Variants in NPAS3 observed in about 807,000 individuals in gnomAD.
The protein encoded by NPAS3 is neuronal PAS domain protein 3.
In NPAS3, 14 loss-of-function variants were observed where a neutral mutation model predicts 73.1. The ratio of observed to expected loss-of-function variants is 0.19; its 90% CI spans 0.13 to 0.30. The LOEUF (loss-of-function observed/expected upper bound fraction) is 0.30. Ranked by LOEUF, NPAS3 falls within the 10% of genes least tolerant of loss-of-function variation. The pLI is 1.00. For missense variants in NPAS3, 1,096 were observed against 1,250.0 expected, an observed-to-expected ratio of 0.88 and a Z score of 1.86; for synonymous variants, 620 against 541.5, an observed-to-expected ratio of 1.14 and a Z score of -2.01.
intron 3 of NPAS3, among the ~76,000 whole-genome samples, chr14:33,234,255 T>G (rs1186847908): frequency 6.6e-6 from 1 of 152,154 alleles, no homozygotes; most frequent in Non-Finnish European, 1.5e-5. Context: ...AATCAAAAGT[T>G]ATAAACATTT....
At chr14:33,565,205 A>G (rs1595166669) in intron 5 of NPAS3, among the ~76,000 whole-genome samples, 1 of 152,286 alleles carries the variant, frequency 6.6e-6, no homozygotes, top group South Asian at 2.1e-4. Context: ...ATGCAGATAT[A>G]TTTGCCATAA....
At chr14:33,157,064 G>C (rs1434652060) in intron 2 of NPAS3, among the ~76,000 whole-genome samples, 2 of 152,090 alleles carry the variant, frequency 1.3e-5, no homozygotes, top group Admixed American at 1.3e-4. Flanking sequence ...TTAGAAAGGG[G>C]AAAAAGAATA....
chr14:33,718,132 G>A (rs749980904), intron 6 of NPAS3, among the ~76,000 whole-genome samples: 1 of 152,080 alleles, frequency 6.6e-6, no homozygotes, highest in Non-Finnish European at 1.5e-5. Context: ...CTCAAGCTAC[G>A]ATGTGGTTAT....
intron 5 of NPAS3, among the ~76,000 whole-genome samples, chr14:33,641,786 C>A (rs2058682260): frequency 6.6e-6 from 1 of 151,866 alleles, no homozygotes; most frequent in Non-Finnish European, 1.5e-5. Flanking sequence ...AGGTTTGATG[C>A]CTATATTTCT....
chr14:33,059,063 C>G (rs977431665), intron 2 of NPAS3, among the ~76,000 whole-genome samples: 1 of 152,180 alleles, frequency 6.6e-6, no homozygotes, highest in Non-Finnish European at 1.5e-5. Context: ...TCTGGCCTCA[C>G]GTTAGTAACT....
chr14:33,031,004 C>T (rs1322652532), intron 1 of NPAS3, among the ~76,000 whole-genome samples: 4 of 152,126 alleles, frequency 2.6e-5, no homozygotes, highest in East Asian at 1.9e-4. Context: ...ATTCAATCTC[C>T]GTATGAGGCC....
At chr14:32,936,334 A>G (rs1440668891), upstream of NPAS3, among the ~76,000 whole-genome samples, 1 of 151,724 alleles carries the variant, frequency 6.6e-6, no homozygotes, top group Non-Finnish European at 1.5e-5. Context: ...AGTTTGGAAA[A>G]TAACTCAAAA....
chr14:33,742,091 C>T (rs2061669311), intron 7 of NPAS3, among the ~76,000 whole-genome samples: 1 of 152,092 alleles, frequency 6.6e-6, no homozygotes, highest in South Asian at 2.1e-4. Context: ...ATATAATTAT[C>T]ACTATTATGA....
chr14:33,179,481 G>A (rs1292349792), intron 2 of NPAS3, among the ~76,000 whole-genome samples: 1 of 152,102 alleles, frequency 6.6e-6, no homozygotes. Flanking sequence ...AGTAACAACT[G>A]TTAATAAATA....
chr14:33,070,989 T>G (rs2041465966), intron 2 of NPAS3, among the ~76,000 whole-genome samples: 1 of 152,176 alleles, frequency 6.6e-6, no homozygotes, highest in Non-Finnish European at 1.5e-5. Context: ...GAGGATAAAT[T>G]TTTGCTCTTA....
At chr14:33,781,759 GT>G (rs535541914) in intron 9 of NPAS3, among the ~76,000 whole-genome samples, 3 of 151,990 alleles carry the variant, frequency 2.0e-5, no homozygotes, top group African/African-American at 4.8e-5. Context: ...TTGATAAAGC[GT>G]TTTTTTAAAA....
intron 2 of NPAS3, among the ~76,000 whole-genome samples, chr14:33,186,822 AGGG>A (rs2045993789): frequency 6.6e-6 from 1 of 152,106 alleles, no homozygotes; most frequent in Non-Finnish European, 1.5e-5. Context: ...TTTCCCAGCT[AGGG>A]ATGGTTTTGT....
At chr14:33,205,064 C>T (rs2046772539) in intron 2 of NPAS3, among the ~76,000 whole-genome samples, 1 of 151,968 alleles carries the variant, frequency 6.6e-6, no homozygotes, top group Admixed American at 6.6e-5. Flanking sequence ...AAATAGTTAG[C>T]CTCCACACCC....
chr14:33,574,521 T>G (rs1023416931), intron 5 of NPAS3, among the ~76,000 whole-genome samples: 4 of 152,028 alleles, frequency 2.6e-5, no homozygotes, highest in Non-Finnish European at 5.9e-5. Flanking sequence ...GAGGTCCAAA[T>G]GTATTCAACA....
At chr14:33,325,909 T>C (rs1195976065) in intron 3 of NPAS3, among the ~76,000 whole-genome samples, 2 of 152,058 alleles carry the variant, frequency 1.3e-5, no homozygotes, top group African/African-American at 4.8e-5. Flanking sequence ...CAAAGTATAG[T>C]TATATTAGTG....
rs372145231 is a variant in NPAS3, at chr14:33,638,875, C to T, written c.559-37336C>T. ...AAAGTAATGTAACTGTCCTAAATCT[C>T]GAGCAGGGAATACAATGACTTCTAG... is the stretch of plus-strand genomic sequence containing the variant. On this transcript the variant is annotated intron_variant, in intron 5 of 11. Coordinates refer to ENST00000356141, the Ensembl canonical transcript of NPAS3. 2.6e-5 allele frequency among the ~76,000 whole-genome samples: 4 copies of T among 152,292 alleles called. No individual in the cohort carries two copies. In the East Asian group the frequency reaches 7.7e-4, roughly 29 times the overall value.
At chr14:33,338,799 A>G (rs906577054) in intron 3 of NPAS3, among the ~76,000 whole-genome samples, 21 of 152,174 alleles carry the variant, frequency 1.4e-4, no homozygotes, top group African/African-American at 5.1e-4. Flanking sequence ...GGGAATTGAA[A>G]AAGCTCTAAT....
At chr14:33,665,974 A>G (rs1595391966) in intron 5 of NPAS3, among the ~76,000 whole-genome samples, 1 of 152,338 alleles carries the variant, frequency 6.6e-6, no homozygotes, top group East Asian at 1.9e-4. Context: ...AAGTTAGCTC[A>G]AAGTGTGCCA....
At chr14:33,463,073 A>G (rs1008250812) in intron 4 of NPAS3, among the ~76,000 whole-genome samples, 1 of 152,232 alleles carries the variant, frequency 6.6e-6, no homozygotes, top group Non-Finnish European at 1.5e-5. Context: ...GTTTATAAGA[A>G]ATATGGCAAT....
Sources: gnomAD v4.1 joint callset for allele counts (sites outside exome capture counted in the v4.1 genomes callset) on GRCh38, gnomAD v4.1.1 for gene constraint, MANE v1.5 for transcripts, NCBI Gene and HGNC (gene_info 2026-07-23, HGNC 2026-07-21) for gene names.